The following MID1 variants were observed in gnomAD, a reference collection of about 807,000 sequenced individuals.
The protein encoded by MID1 is E3 ubiquitin-protein ligase Midline-1.
In MID1, 7 loss-of-function variants were observed where a neutral mutation model predicts 40.4. The ratio of observed to expected loss-of-function variants is 0.17; its 90% CI spans 0.10 to 0.33. The LOEUF (loss-of-function observed/expected upper bound fraction) is 0.33. Among genes scored for constraint, MID1 ranks in the 10% least tolerant of loss-of-function variants. The probability of loss-of-function intolerance (pLI) is 1.00; values close to 1 mark genes in which losing one functional copy is unlikely to be tolerated. For synonymous variants in MID1, 229 were observed against 221.2 expected (o/e 1.04, Z -0.31); for missense variants, 367 against 558.5 (o/e 0.66, Z 3.46).
At chrX:10,750,360 G>A (rs187917904) in intron 1 of MID1, among the ~76,000 whole-genome samples, 1 of 111,720 alleles carries the variant, frequency 9.0e-6, no homozygotes, top group African/African-American at 3.3e-5. Flanking sequence ...TCCCAGGCAT[G>A]GTGGCTCATG....
intron 1 of MID1, among the ~76,000 whole-genome samples, chrX:10,639,125 C>G (rs1936157255): frequency 8.9e-6 from 1 of 112,392 alleles, no homozygotes; most frequent in Non-Finnish European, 1.9e-5. Context: ...AACGCAGGTC[C>G]TTGCCAGCAA....
chrX:10,760,554 C>G (rs1285974897), intron 1 of MID1, among the ~76,000 whole-genome samples: 1 of 111,688 alleles, frequency 9.0e-6, no homozygotes, highest in Non-Finnish European at 1.9e-5. Flanking sequence ...AAAACAAGGT[C>G]GGGGTGCAGT....
At chrX:10,548,613 T>A (rs1364298101) in intron 2 of MID1, among the ~76,000 whole-genome samples, 1 of 111,917 alleles carries the variant, frequency 8.9e-6, no homozygotes, top group Non-Finnish European at 1.9e-5. Flanking sequence ...TAAATTAATC[T>A]CCAAGGAAAA....
At chrX:10,476,093 TG>T (rs753727799) in intron 5 of MID1, among the ~76,000 whole-genome samples, 175 of 111,746 alleles carry the variant, frequency 1.6e-3, no homozygotes, top group Admixed American at 4.4e-3. Flanking sequence ...AAAAACATTA[TG>T]CTCTGTGAAA....
At chrX:10,507,157 T>C (rs375622515) in intron 3 of MID1, among the ~76,000 whole-genome samples, 2 of 110,148 alleles carry the variant, frequency 1.8e-5, no homozygotes, top group East Asian at 5.8e-4. Context: ...CCCCCTTTTT[T>C]TCCTCCCCCC....
chrX:10,568,647 C>T (rs961972075), intron 1 of MID1, among the ~76,000 whole-genome samples: 1 of 111,037 alleles, frequency 9.0e-6, no homozygotes, highest in Non-Finnish European at 1.9e-5. Context: ...GGTACGACCT[C>T]TGCTAGCTAT....
chrX:10,546,468 T>C (rs1458549619), intron 2 of MID1, among the ~76,000 whole-genome samples: 1 of 112,079 alleles, frequency 8.9e-6, no homozygotes, highest in Non-Finnish European at 1.9e-5. Flanking sequence ...TCTTTATAGC[T>C]GTTTTCTCAA....
At chrX:10,717,859 G>A (rs2043317573) in intron 1 of MID1, among the ~76,000 whole-genome samples, 1 of 111,621 alleles carries the variant, frequency 9.0e-6, no homozygotes, top group African/African-American at 3.3e-5. Context: ...TCAGACCACA[G>A]TGCAATCAAA....
intron 1 of MID1, among the ~76,000 whole-genome samples, chrX:10,679,461 T>C (rs749102923): frequency 8.9e-6 from 1 of 112,064 alleles, no homozygotes; most frequent in Non-Finnish European, 1.9e-5. Flanking sequence ...GGGCAAACTA[T>C]GGTCTGAGGG....
At chrX:10,469,438 C>A (rs946420523) in intron 7 of MID1, 5 of 1,088,352 alleles carry the variant, frequency 4.6e-6, no homozygotes, top group South Asian at 2.4e-5. Context: ...TTGTTTCTCT[C>A]TATATATTTG....
At chrX:10,514,654 T>A (rs751096620) in intron 3 of MID1, among the ~76,000 whole-genome samples, 1 of 112,372 alleles carries the variant, frequency 8.9e-6, no homozygotes, top group East Asian at 2.8e-4. Context: ...AATGCAATAG[T>A]AAAAACAAAT....
intron 4 of MID1, among the ~76,000 whole-genome samples, chrX:10,488,457 C>T (rs982400075): frequency 3.6e-5 from 4 of 112,130 alleles, no homozygotes; most frequent in African/African-American, 1.3e-4. Context: ...CACATTTTTG[C>T]CAACACTTGG....
At chrX:10,699,232 A>T (rs1265232520) in intron 1 of MID1, among the ~76,000 whole-genome samples, 1 of 111,837 alleles carries the variant, frequency 8.9e-6, no homozygotes, top group Non-Finnish European at 1.9e-5. Context: ...TCTCAACATG[A>T]TGTTGGCCCT....
rs111410824 is a variant in MID1 at position 10,618,579 on chromosome X, C to G, written c.-57+1711G>C. Among the ~76,000 whole-genome samples, 6 of 111,657 alleles carry G rather than the reference C, an allele frequency of 5.4e-5. No individual in the cohort carries two copies. In the East Asian group the frequency reaches 1.7e-3, roughly 32 times the overall value. ...ACGTAGCTGTGAGATGAAAAGTTGC[C>G]CATTCATTAAATAACTAAGGAGTTC... On this transcript the variant is annotated intron_variant, in intron 1 of 9. Transcript: ENST00000317552.
At chrX:10,624,670 G>T (rs924213251), upstream of MID1, among the ~76,000 whole-genome samples, 3 of 111,668 alleles carry the variant, frequency 2.7e-5, no homozygotes, top group Non-Finnish European at 5.6e-5. Flanking sequence ...GAGTGCAGTG[G>T]CATAATCTCG....
At chrX:10,832,536 A>C (rs2044259601) in intron 1 of MID1, among the ~76,000 whole-genome samples, 1 of 112,505 alleles carries the variant, frequency 8.9e-6, no homozygotes, top group Non-Finnish European at 1.9e-5. Flanking sequence ...TGTATATGAC[A>C]GAAAACAACA....
intron 2 of MID1, among the ~76,000 whole-genome samples, chrX:10,553,799 T>A (rs968241089): frequency 2.7e-5 from 3 of 112,037 alleles, no homozygotes; most frequent in African/African-American, 9.7e-5. Context: ...AACTAGCTCA[T>A]CCTCAATCAT....
At position 10,662,963 on chromosome X, in the gene MID1, T is replaced by C. The variant is rs534582871; in HGVS notation, c.-186-42544A>G. Among the ~76,000 whole-genome samples, 17 of 112,183 alleles carry C rather than the reference T, an allele frequency of 1.5e-4. No individual in the cohort carries two copies. In the South Asian group the frequency reaches 6.3e-3, roughly 42 times the overall value. ...ACACTGTCTACACTGTCTTGTATAA[T>C]ATCTGAAACAGTGCATGTTGGAGGG... On this transcript the variant is annotated intron_variant, in intron 1 of 10. Transcript: ENST00000380785.
chrX:10,718,532 A>C (rs2043322894), intron 1 of MID1, among the ~76,000 whole-genome samples: 1 of 111,600 alleles, frequency 9.0e-6, no homozygotes, highest in Non-Finnish European at 1.9e-5. Context: ...CAATAACAGG[A>C]TCTGAAATTG....
Sources: gnomAD v4.1 joint callset for allele counts (sites outside exome capture counted in the v4.1 genomes callset) on GRCh38, gnomAD v4.1.1 for gene constraint, MANE v1.5 for transcripts, NCBI Gene and HGNC (gene_info 2026-07-23, HGNC 2026-07-21) for gene names.